The following CNTN5 variants were observed in gnomAD, a reference collection of about 807,000 sequenced individuals.
CNTN5 encodes contactin 5.
A neutral mutation model predicts 129.1 loss-of-function variants in CNTN5; 77 were observed. The ratio of observed to expected loss-of-function variants is 0.60; its 90% CI spans 0.50 to 0.72. The LOEUF is 0.72. CNTN5 is among the 30% of genes least tolerant of loss of function. The pLI is 0.00. For synonymous variants in CNTN5, 509 were observed against 465.6 expected, an observed-to-expected ratio of 1.09 and a Z score of -1.20; for missense variants, 1,478 against 1,328.8, an observed-to-expected ratio of 1.11 and a Z score of -1.75.
intron 2 of CNTN5, among the ~76,000 whole-genome samples, chr11:99,439,178 T>C (rs180749994): frequency 1.3e-5 from 2 of 152,148 alleles, no homozygotes; most frequent in East Asian, 1.9e-4. Flanking sequence ...ACAAATTCTA[T>C]GTAATCAAGG....
At chr11:99,505,984 C>T (rs1051099199) in intron 2 of CNTN5, among the ~76,000 whole-genome samples, 3 of 152,190 alleles carry the variant, frequency 2.0e-5, no homozygotes, top group Non-Finnish European at 4.4e-5. Flanking sequence ...AAAGTCATAA[C>T]GGATCAGGTA....
chr11:99,114,449 C>T (rs943714933), intron 1 of CNTN5, among the ~76,000 whole-genome samples: 2 of 146,690 alleles, frequency 1.4e-5, no homozygotes, highest in Admixed American at 6.9e-5. Flanking sequence ...CCATCCCATC[C>T]CCCTTCTTCT....
intron 9 of CNTN5, among the ~76,000 whole-genome samples, chr11:100,014,938 T>G (rs1022992410): frequency 3.3e-5 from 5 of 151,916 alleles, no homozygotes; most frequent in African/African-American, 1.2e-4. Context: ...ACATAAGGAG[T>G]TTTTATTATC....
intron 2 of CNTN5, among the ~76,000 whole-genome samples, chr11:99,438,051 G>C (rs1943669626): frequency 6.6e-6 from 1 of 152,086 alleles, no homozygotes; most frequent in Non-Finnish European, 1.5e-5. Context: ...TTAAATGCTT[G>C]TAAACTATCA....
chr11:99,742,471 T>C (rs1943916931), intron 3 of CNTN5, among the ~76,000 whole-genome samples: 1 of 152,322 alleles, frequency 6.6e-6, no homozygotes, highest in South Asian at 2.1e-4. Flanking sequence ...TATTTTTGAA[T>C]GACAGCTTTA....
intron 3 of CNTN5, among the ~76,000 whole-genome samples, chr11:99,679,228 C>T (rs1953445300): frequency 1.4e-5 from 2 of 148,086 alleles, no homozygotes. Context: ...ATTATATGTA[C>T]ATAGTAAGAA....
intron 2 of CNTN5, among the ~76,000 whole-genome samples, chr11:99,552,738 C>T (rs1219974675): frequency 7.9e-5 from 12 of 151,872 alleles, no homozygotes; most frequent in Admixed American, 3.9e-4. Context: ...AGACAGGGAC[C>T]GGATTGCATA....
intron 2 of CNTN5, among the ~76,000 whole-genome samples, chr11:99,492,795 G>A (rs758279376): frequency 2.6e-4 from 40 of 152,136 alleles, no homozygotes; most frequent in Admixed American, 5.9e-4. Context: ...ATTTGAGGAA[G>A]GGGAGCCAGG....
At chr11:99,807,896 GA>G (rs1413048619) in intron 3 of CNTN5, among the ~76,000 whole-genome samples, 1 of 152,036 alleles carries the variant, frequency 6.6e-6, no homozygotes, top group Non-Finnish European at 1.5e-5. Flanking sequence ...TGTTTATAAT[GA>G]GAATATTTAA....
At chr11:99,990,790 T>C (rs1025216641) in intron 8 of CNTN5, among the ~76,000 whole-genome samples, 9 of 151,868 alleles carry the variant, frequency 5.9e-5, no homozygotes, top group African/African-American at 1.9e-4. Flanking sequence ...TACTATAACA[T>C]ATTTATTTGA....
intron 8 of CNTN5, among the ~76,000 whole-genome samples, chr11:99,982,632 A>AT (rs1241111010): frequency 6.6e-6 from 1 of 151,996 alleles, no homozygotes; most frequent in Non-Finnish European, 1.5e-5. Flanking sequence ...AAATTTATTT[A>AT]TTTTTTATGT....
intron 2 of CNTN5, among the ~76,000 whole-genome samples, chr11:99,389,161 C>T (rs940765911): frequency 6.6e-6 from 1 of 152,018 alleles, no homozygotes; most frequent in African/African-American, 2.4e-5. Flanking sequence ...TCCCAAGTAG[C>T]TGGGATTACA....
At chr11:99,251,495 C>A (rs1484777606) in intron 1 of CNTN5, among the ~76,000 whole-genome samples, 1 of 151,002 alleles carries the variant, frequency 6.6e-6, no homozygotes, top group Non-Finnish European at 1.5e-5. Context: ...TAATGTGTAA[C>A]CCAATACTCA....
intron 3 of CNTN5, among the ~76,000 whole-genome samples, chr11:99,771,282 T>G (rs1001079193): frequency 6.6e-6 from 1 of 152,056 alleles, no homozygotes; most frequent in Non-Finnish European, 1.5e-5. Context: ...CTGTGTTCAT[T>G]GCAGCATCAT....
intron 6 of CNTN5, among the ~76,000 whole-genome samples, chr11:99,867,914 A>G (rs1030976249): frequency 2.0e-5 from 3 of 152,130 alleles, no homozygotes; most frequent in Non-Finnish European, 2.9e-5. Context: ...AAAAGGCAAG[A>G]AGTGTTCTAC....
At chr11:99,446,085 T>TAAAAAAAA (rs35641117) in intron 2 of CNTN5, among the ~76,000 whole-genome samples, 1 of 134,972 alleles carries the variant, frequency 7.4e-6, no homozygotes, top group Non-Finnish European at 1.6e-5. Context: ...ACTTTGTCAT[T>TAAAAAAAA]AAAAAAAAAA....
intron 9 of CNTN5, among the ~76,000 whole-genome samples, chr11:100,025,590 C>A (rs183109565): frequency 5.3e-5 from 8 of 152,322 alleles, no homozygotes; most frequent in Admixed American, 5.2e-4. Context: ...CCCATGAAAA[C>A]AACTGGGAGG....
At chr11:99,377,929 G>T (rs1940288504) in intron 2 of CNTN5, among the ~76,000 whole-genome samples, 2 of 151,914 alleles carry the variant, frequency 1.3e-5, no homozygotes, top group Admixed American at 6.6e-5. Context: ...TTCCTCATTT[G>T]GTCTCTTGAA....
At chr11:99,304,826 GC>G (rs1864800596) in intron 1 of CNTN5, among the ~76,000 whole-genome samples, 2 of 152,120 alleles carry the variant, frequency 1.3e-5, no homozygotes, top group South Asian at 4.1e-4. Context: ...CAAGGCCTTT[GC>G]CCACAGAAAG....
Sources: gnomAD v4.1 joint callset for allele counts (sites outside exome capture counted in the v4.1 genomes callset) on GRCh38, gnomAD v4.1.1 for gene constraint, MANE v1.5 for transcripts, NCBI Gene and HGNC (gene_info 2026-07-23, HGNC 2026-07-21) for gene names.